The following ODAD3 variants were observed in gnomAD, a reference collection of about 807,000 sequenced individuals.
ODAD3 encodes the protein outer dynein arm-docking complex subunit 3.
In ODAD3, 57 loss-of-function variants were observed where a neutral mutation model predicts 70.9. The observed-to-expected ratio is 0.80, with a 90% CI of 0.65 to 1.00. The LOEUF (loss-of-function observed/expected upper bound fraction) is 1.00, where lower values mean the gene tolerates loss of function less well. Ranked by LOEUF, ODAD3 falls within the 50% of genes least tolerant of loss-of-function variation. ODAD3 has a pLI of 0.00. For missense variants in ODAD3, 797 were observed against 763.9 expected (o/e 1.04, Z -0.51); for synonymous variants, 327 against 315.9 (o/e 1.04, Z -0.37).
rs1030615579 is a variant in ODAD3 at position 11,425,605 on chromosome 19, G to T, written c.963+539C>A. ...TATGTATGTATATGTGTATATATGTGTGTGTATATATGCATATATGCATAT... is the reference window on the plus strand; with the variant it reads ...TATGTATGTATATGTGTATATATGTTTGTGTATATATGCATATATGCATAT... On this transcript the variant is annotated intron_variant, in intron 7 of 12. Coordinates refer to ENST00000356392, the MANE Select transcript of ODAD3 (RefSeq NM_145045.5). 5.5e-3 allele frequency among the ~76,000 whole-genome samples: 713 copies of T among 128,604 alleles called. 14 individuals are homozygous for T. The highest frequency in any genetic ancestry group is 9.2e-3 in the South Asian group (43 of 4,682). The allele number at this position is 128,604 out of a possible 152,430, so 84.4% of individuals were successfully genotyped here.
intron 8 of ODAD3, among the ~76,000 whole-genome samples, chr19:11,423,076 C>A (rs1183703329): frequency 2.0e-5 from 3 of 152,328 alleles, no homozygotes; most frequent in Non-Finnish European, 4.4e-5. Context: ...CCCTTTCTGG[C>A]CTATATAAGG....
chr19:11,425,312 CATATGTGTATATGTACAT>C lies in ODAD3; in HGVS notation c.963+814_963+831del, dbSNP rs1338605752. ...ATATGTGTATATATGTGTATGTGTA[CATATGTGTATATGTACAT>C]ATGTGTATATATGTATATATGTGTA... is the stretch of plus-strand genomic sequence containing the variant. On this transcript the variant is annotated intron_variant, in intron 7 of 12. Transcript: ENST00000356392. 8.0e-5 allele frequency among the ~76,000 whole-genome samples: 8 copies of C among 99,592 alleles called. 1 individual carries two copies. Among genetic ancestry groups the C allele is most frequent in the Admixed American group, 4.5e-4 (5 of 11,066 alleles). The allele number at this position is 99,592 out of a possible 152,430, so 65.3% of individuals were successfully genotyped here. A position where few individuals can be genotyped will look rare whatever the true frequency, so the allele number is the denominator to read the frequency against.
intron 7 of ODAD3, 45 bp downstream of exon 7, chr19:11,426,099 T>A: frequency 6.3e-7 from 1 of 1,587,848 alleles, no homozygotes; most frequent in South Asian, 1.1e-5. Context: ...TGGTTTGTGC[T>A]GGGCTGGGCT....
intron 7 of ODAD3, among the ~76,000 whole-genome samples, chr19:11,425,107 A>G (rs1969270458): frequency 1.5e-5 from 2 of 134,918 alleles, no homozygotes; most frequent in Non-Finnish European, 1.5e-5. Context: ...ATATATGTAT[A>G]TATGTGTATA....
At position 11,422,753 on chromosome 19, in the gene ODAD3, G is replaced by A. The variant is rs373810457; in HGVS notation, c.1225C>T (p.Leu409=). ...TTGAGGTCTTCCAGCTCCCGCTGCA[G>A]TTGTTGCTTCTCCTGCTTCAGCCTC... ...LVRLKQEKQQ[L]QRELEDLKYS... The change falls in exon 9 of 13, where the codon CTG becomes TTG. Residue 409 remains leucine, a synonymous_variant. Coordinates refer to ENST00000356392, the MANE Select transcript of ODAD3 (RefSeq NM_145045.5). This position sits in a 1 kb window ranked among gnomAD's most constrained non-coding sequence, Gnocchi z 4.6. 3.1e-6 allele frequency: 5 copies of A among 1,612,432 alleles called. No individual in the cohort carries two copies. The highest frequency in any genetic ancestry group is 3.4e-6 in the Non-Finnish European group (4 of 1,179,934).
At position 11,430,735 on chromosome 19, in the gene ODAD3, C is replaced by T. The variant is rs1599466583; in HGVS notation, c.408G>A (p.Lys136=). ...KVVQAVIREW[K]WEKPYLKNRT... is the part of the protein sequence containing the mutation. The stretch of plus-strand genomic sequence containing the variant: ...TGTTCTTCAGGTATGGCTTCTCCCA[C>T]TTCCATTCGCGAATCACTGCCTGGA... The change falls in exon 3 of 13, where the codon AAG becomes AAA. Residue 136 remains lysine (K), a synonymous_variant. Transcript: ENST00000356392. 1 of 1,613,940 alleles carries T rather than the reference C, an allele frequency of 6.2e-7. No individual in the cohort carries two copies. Among genetic ancestry groups the T allele is most frequent in the Non-Finnish European group, 8.5e-7 (1 of 1,180,000 alleles).
upstream of ODAD3, chr19:11,435,752 G>T: frequency 7.3e-7 from 1 of 1,365,872 alleles, no homozygotes; most frequent in Non-Finnish European, 9.6e-7. Flanking sequence ...TTTCTTACAG[G>T]GGGCAACCGG....
At chr19:11,427,445 C>T (rs1443421903) in intron 3 of ODAD3, among the ~76,000 whole-genome samples, 4 of 150,780 alleles carry the variant, frequency 2.7e-5, no homozygotes, top group Non-Finnish European at 4.4e-5. Context: ...CAGGTGCCCA[C>T]CACCACGCCT....
intron 3 of ODAD3, among the ~76,000 whole-genome samples, chr19:11,429,379 T>A (rs1969456289): frequency 6.6e-6 from 1 of 151,662 alleles, no homozygotes; most frequent in African/African-American, 2.4e-5. Context: ...GCCTGGCTAA[T>A]TTTTTGTATT....
intron 8 of ODAD3, 113 bp downstream of exon 8, chr19:11,423,764 C>T (rs1015737895): frequency 9.0e-7 from 1 of 1,111,164 alleles, no homozygotes; most frequent in South Asian, 1.6e-5. Context: ...GCTGAATAAC[C>T]GACCTGGCAG....
chr19:11,425,412 T>TATATGTGTATATACAC lies in ODAD3; in HGVS notation c.963+716_963+731dup, dbSNP rs1248019388. On this transcript the variant is annotated intron_variant, in intron 7 of 12. Transcript: ENST00000356392. ...ACATATGTGTATATGTATATATACA[T>TATATGTGTATATACAC]ATATGTGTATATACACATATGTGTA... Among the ~76,000 whole-genome samples the TATATGTGTATATACAC allele has an allele frequency of 1.3e-3, 191 of 143,048 alleles. 3 individuals are homozygous for TATATGTGTATATACAC. The highest frequency in any genetic ancestry group is 3.1e-3 in the East Asian group (15 of 4,848). 93.8% of individuals were successfully genotyped at this position (143,048 alleles called of 152,430 possible).
rs778780307 is a variant in ODAD3 at position 11,422,513 on chromosome 19, G to A, written c.1392C>T (p.Asp464=). The A allele has an allele frequency of 3.4e-5, 54 of 1,593,892 alleles. No homozygotes were observed. The highest frequency in any genetic ancestry group is 4.5e-5 in the Non-Finnish European group (53 of 1,172,086). ...GCTTGCTGGCCAGGTGCTCCAGGCT[G>A]TCCTTGGCCACTTGCATCGCCCGCA... ...RALRAMQVAK[D]SLEHLASKLI... is the part of the protein sequence containing the mutation. The change falls in exon 10 of 13, where the codon GAC becomes GAT. Residue 464 remains aspartate (D), a synonymous_variant. Transcript: ENST00000356392. This position sits in a 1 kb window ranked among gnomAD's most constrained non-coding sequence, Gnocchi z 4.6.
chr19:11,425,252 T>C (rs888977632), intron 7 of ODAD3, among the ~76,000 whole-genome samples: 1 of 141,950 alleles, frequency 7.0e-6, no homozygotes, highest in African/African-American at 2.8e-5. Flanking sequence ...TGTATATATG[T>C]ATATGTACAT....
Position 11,426,920 on chromosome 19 carries a change from G to T in ODAD3, c.565C>A (p.Leu189Ile), listed in dbSNP as rs774428383. 1.9e-5 allele frequency: 30 copies of T among 1,610,424 alleles called. No homozygotes were observed. The highest frequency in any genetic ancestry group is 2.5e-5 in the Non-Finnish European group (29 of 1,179,002). Residue 189 changes from leucine (L) to isoleucine (I), a missense_variant, in exon 4 of 13, where the codon CTT becomes ATT. Transcript: ENST00000356392. ...EELQLQHSLR[L>I]LEMAEAQNRH... ...TTTTGCGCCTCCGCCATCTCCAGAA[G>T]GCGCAGGCTGTGCTGCAGCTGGAGC...
chr19:11,424,136 C>T, intron 7 of ODAD3, 107 bp from the exon 8 acceptor site: 1 of 1,383,082 alleles, frequency 7.2e-7, no homozygotes. Context: ...AGGGCTCAAA[C>T]TGGAGGGAAG....
upstream of ODAD3, chr19:11,435,148 T>G (rs1172396443): frequency 6.2e-6 from 9 of 1,441,428 alleles, no homozygotes; most frequent in African/African-American, 4.3e-5. Context: ...GTGGTTGCGC[T>G]CCGCATCTCT....
In ODAD3 at chr19:11,422,632, A is replaced by G; in HGVS notation, c.1278-5T>C. On this transcript the variant is annotated splice_polypyrimidine_tract_variant and splice_region_variant and intron_variant, in intron 9 of 12. Coordinates refer to ENST00000356392, the MANE Select transcript of ODAD3 (RefSeq NM_145045.5). The surrounding 1 kb of genome is among the most constrained non-coding windows in gnomAD (Gnocchi z 4.6). ...TCGGCTTGCAGTTTCTGCTGGCTGC[A>G]GGGAGCCGGGAGGTCACCCCGGGGG... 6.2e-7 allele frequency: 1 copy of G among 1,602,456 alleles called. No homozygotes were observed. Among genetic ancestry groups the G allele is most frequent in the Non-Finnish European group, 8.5e-7 (1 of 1,176,254 alleles).
chr19:11,433,637 T>C (rs1353547974), intron 1 of ODAD3, among the ~76,000 whole-genome samples: 2 of 152,190 alleles, frequency 1.3e-5, no homozygotes, highest in Non-Finnish European at 2.9e-5. Flanking sequence ...TCTAAAAATC[T>C]ATGCTCAGGC....
At chr19:11,423,769 T>A (rs1969196462) in intron 8 of ODAD3, 108 bp downstream of exon 8, 2 of 1,152,220 alleles carry the variant, frequency 1.7e-6, no homozygotes, top group African/African-American at 3.4e-5. Context: ...ATAACCGACC[T>A]GGCAGAGAGG....
Sources: gnomAD v4.1 joint callset for allele counts (sites outside exome capture counted in the v4.1 genomes callset) on GRCh38, gnomAD v4.1.1 for gene constraint, Gnocchi (gnomAD v3.1) non-coding constraint, MANE v1.5 for transcripts, NCBI Gene and HGNC (gene_info 2026-07-23, HGNC 2026-07-21) for gene names.